Variants in GLI3 observed in about 807,000 individuals in gnomAD.
The protein encoded by GLI3 is transcription activator GLI3.
In GLI3, 20 loss-of-function variants were observed where a neutral mutation model predicts 100.8. That is an observed-to-expected ratio of 0.20 (90% CI 0.14 to 0.29). The LOEUF (loss-of-function observed/expected upper bound fraction) is 0.29. Ranked by LOEUF, GLI3 falls within the 10% of genes least tolerant of loss-of-function variation. The probability of loss-of-function intolerance (pLI) is 1.00; values close to 1 mark genes in which losing one functional copy is unlikely to be tolerated. For synonymous variants in GLI3, 938 were observed against 860.5 expected (o/e 1.09, Z -1.58); for missense variants, 2,040 against 2,128.5 (o/e 0.96, Z 0.82).
chr7:42,179,587 G>C (rs1420198699), intron 2 of GLI3, among the ~76,000 whole-genome samples: 2 of 152,218 alleles, frequency 1.3e-5, no homozygotes, highest in African/African-American at 4.8e-5. Context: ...GGAAAGAGCT[G>C]ATGGTGGCTC....
intron 2 of GLI3, among the ~76,000 whole-genome samples, chr7:42,157,137 C>T (rs571450141): frequency 6.6e-6 from 1 of 152,302 alleles, no homozygotes; most frequent in Admixed American, 6.5e-5. Flanking sequence ...GCAAGGCTCA[C>T]CTACACTCAA....
chr7:42,048,463 C>G, intron 5 of GLI3, 28 bp downstream of exon 5: 1 of 1,501,794 alleles, frequency 6.7e-7, no homozygotes, highest in South Asian at 1.1e-5. Context: ...TGCATGATCT[C>G]CAGAAGCAGA....
intron 3 of GLI3, among the ~76,000 whole-genome samples, chr7:42,089,703 T>C (rs2128756211): frequency 6.6e-6 from 1 of 152,336 alleles, no homozygotes; most frequent in East Asian, 1.9e-4. Context: ...TCTAGATTTC[T>C]ATAAAAACAA....
At chr7:42,109,074 C>T (rs1301622834) in intron 3 of GLI3, among the ~76,000 whole-genome samples, 5 of 152,164 alleles carry the variant, frequency 3.3e-5, no homozygotes, top group Non-Finnish European at 5.9e-5. Context: ...TGCATCTTAG[C>T]GCTGCATTCT....
intron 2 of GLI3, among the ~76,000 whole-genome samples, chr7:42,170,268 A>T (rs200082831): frequency 4.3e-5 from 1 of 23,504 alleles, no homozygotes; most frequent in Admixed American, 4.0e-4. Flanking sequence ...AAAAAAAATT[A>T]TATATATATA....
intron 5 of GLI3, among the ~76,000 whole-genome samples, chr7:42,046,405 T>C (rs1023512548): frequency 6.6e-6 from 1 of 152,218 alleles, no homozygotes; most frequent in African/African-American, 2.4e-5. Context: ...GGTTTGTGGG[T>C]ATTTTATATT....
At chr7:42,255,076 GT>G (rs532700046) in intron 1 of GLI3, among the ~76,000 whole-genome samples, 4 of 147,576 alleles carry the variant, frequency 2.7e-5, no homozygotes, top group African/African-American at 7.6e-5. Context: ...TTCTGTTTCT[GT>G]TTTTTTTTTT....
At position 42,026,191 on chromosome 7, in the gene GLI3, CCT is replaced by C; in HGVS notation, c.1242+6_1242+7del. ...GCACGGCCGGGTGCATCGACCTGTC[CCT>C]CTCACCTGTGAGGACTCAGAAGGGC... On this transcript the variant is annotated splice_donor_region_variant and intron_variant, in intron 8 of 14. Coordinates refer to ENST00000395925, the MANE Select transcript of GLI3 (RefSeq NM_000168.6). 1.2e-6 allele frequency: 2 copies of C among 1,605,354 alleles called. No individual in the cohort carries two copies. Among genetic ancestry groups the C allele is most frequent in the Non-Finnish European group, 1.7e-6 (2 of 1,173,966 alleles).
At chr7:42,148,154 C>T in intron 3 of GLI3, 72 bp downstream of exon 3, 1 of 1,459,686 alleles carries the variant, frequency 6.9e-7, no homozygotes, top group East Asian at 2.4e-5. Context: ...CACACACACA[C>T]ACACACACAC....
At chr7:42,230,266 G>A (rs561055366) in intron 1 of GLI3, among the ~76,000 whole-genome samples, 7 of 152,230 alleles carry the variant, frequency 4.6e-5, no homozygotes, top group South Asian at 4.2e-4. Flanking sequence ...CTATCTGTCC[G>A]CTTTGCCATT....
At chr7:42,191,165 C>T (rs1583635188) in intron 2 of GLI3, among the ~76,000 whole-genome samples, 1 of 151,930 alleles carries the variant, frequency 6.6e-6, no homozygotes, top group Admixed American at 6.6e-5. Flanking sequence ...TTATTATTGG[C>T]AGATAGTATT....
Position 41,964,239 on chromosome 7 carries a change from T to C in GLI3, c.*91A>G, listed in dbSNP as rs1163109874. 4.6e-6 allele frequency: 5 copies of C among 1,080,848 alleles called. No homozygotes were observed. In the African/African-American group the frequency reaches 4.7e-5, roughly 10 times the overall value. 67.0% of individuals were successfully genotyped at this position (1,080,848 alleles called of 1,614,324 possible). On this transcript the variant is annotated 3_prime_UTR_variant, in exon 15 of 15. Coordinates refer to ENST00000395925, the MANE Select transcript of GLI3 (RefSeq NM_000168.6). ...GGTGAGATGAGATTGCTAAAATACA[T>C]ACAGAACTAAAAAAACAGCCAAAAC... is the stretch of plus-strand genomic sequence containing the variant.
chr7:42,010,557 G>T (rs972812969), intron 10 of GLI3, among the ~76,000 whole-genome samples: 18 of 152,186 alleles, frequency 1.2e-4, no homozygotes, highest in African/African-American at 3.4e-4. Flanking sequence ...AGTTTCTGAT[G>T]AAGTGTTATA....
At chr7:42,166,802 G>A (rs1482312020) in intron 2 of GLI3, among the ~76,000 whole-genome samples, 2 of 151,024 alleles carry the variant, frequency 1.3e-5, no homozygotes, top group East Asian at 3.9e-4. Flanking sequence ...TGGGATTACA[G>A]GTACACGCCA....
chr7:42,174,451 C>T (rs540249831), intron 2 of GLI3, among the ~76,000 whole-genome samples: 1 of 152,274 alleles, frequency 6.6e-6, no homozygotes, highest in African/African-American at 2.4e-5. Context: ...CAGCCAGTCC[C>T]GCGGACTCAG....
chr7:42,004,825 G>C (rs1202362881), intron 10 of GLI3, among the ~76,000 whole-genome samples: 2 of 152,146 alleles, frequency 1.3e-5, no homozygotes, highest in African/African-American at 2.4e-5. Context: ...CAAGGCTTTA[G>C]TAACATTCCA....
chr7:42,064,418 G>A (rs531647925), intron 4 of GLI3, among the ~76,000 whole-genome samples: 25 of 152,270 alleles, frequency 1.6e-4, no homozygotes, highest in African/African-American at 4.6e-4. Flanking sequence ...TCAAGGATCC[G>A]GTTAACTTGT....
At chr7:42,003,582 T>C (rs1342970090) in intron 10 of GLI3, among the ~76,000 whole-genome samples, 1 of 152,140 alleles carries the variant, frequency 6.6e-6, no homozygotes, top group Non-Finnish European at 1.5e-5. Flanking sequence ...TTTGATAATA[T>C]TAAAGTTGAA....
intron 3 of GLI3, among the ~76,000 whole-genome samples, chr7:42,123,930 A>T (rs1487233290): frequency 6.6e-6 from 1 of 152,212 alleles, no homozygotes; most frequent in Non-Finnish European, 1.5e-5. Flanking sequence ...AAGATGCTAC[A>T]TGGTCACACC....
Sources: gnomAD v4.1 joint callset for allele counts (sites outside exome capture counted in the v4.1 genomes callset) on GRCh38, gnomAD v4.1.1 for gene constraint, MANE v1.5 for transcripts, NCBI Gene and HGNC (gene_info 2026-07-23, HGNC 2026-07-21) for gene names.